The following KCNAB1 variants were observed in gnomAD, a reference collection of about 807,000 sequenced individuals.
KCNAB1 encodes the protein voltage-gated potassium channel subunit beta-1.
KCNAB1 carries 35 observed loss-of-function variants against 64.6 expected under a neutral mutation model. The ratio of observed to expected loss-of-function variants is 0.54; its 90% CI spans 0.41 to 0.72. The LOEUF (loss-of-function observed/expected upper bound fraction) is 0.72, where lower values mean the gene tolerates loss of function less well. Ranked by LOEUF, KCNAB1 falls within the 30% of genes least tolerant of loss-of-function variation. The pLI is 0.00. For missense variants in KCNAB1, 401 were observed against 512.9 expected, an observed-to-expected ratio of 0.78 and a Z score of 2.11; for synonymous variants, 177 against 183.8, an observed-to-expected ratio of 0.96 and a Z score of 0.30.
chr3:156,465,578 A>C, intron 6 of KCNAB1, 65 bp from the exon 7 acceptor site: 1 of 1,440,222 alleles, frequency 6.9e-7, no homozygotes, highest in Non-Finnish European at 9.8e-7. Context: ...AATTCAGACC[A>C]GAGATTTAGA....
At position 156,252,953 on chromosome 3, in the gene KCNAB1, G is replaced by A. The variant is rs115490320; in HGVS notation, c.275+132067G>A. On this transcript the variant is annotated intron_variant, in intron 1 of 13. Transcript: ENST00000490337. ...GCATTCTTTCCTAACATAACCTGTA[G>A]TTAAACTCCAAAGTAATGAGATTTA... 3.8e-3 allele frequency among the ~76,000 whole-genome samples: 577 copies of A among 151,988 alleles called. 1 individual carries two copies. Among genetic ancestry groups the A allele is most frequent in the African/African-American group, 0.013 (545 of 41,262 alleles).
intron 1 of KCNAB1, chr3:156,292,275 G>A (rs1015740651): frequency 2.3e-6 from 2 of 883,578 alleles, no homozygotes; most frequent in East Asian, 2.7e-5. Flanking sequence ...GCTCTTTAGG[G>A]GGATGAATAA....
intron 1 of KCNAB1, among the ~76,000 whole-genome samples, chr3:156,327,094 G>T (rs1233851285): frequency 2.0e-5 from 3 of 152,090 alleles, no homozygotes; most frequent in East Asian, 1.9e-4. Flanking sequence ...TAAAAAATCT[G>T]GTTAAGGCAA....
At chr3:156,118,875 C>T (rs540396551), upstream of KCNAB1, among the ~76,000 whole-genome samples, 8 of 152,298 alleles carry the variant, frequency 5.3e-5, no homozygotes, top group East Asian at 1.3e-3. Context: ...TATAATGTTG[C>T]CAGAACTCCT....
chr3:156,310,189 G>A (rs9858999), intron 1 of KCNAB1, among the ~76,000 whole-genome samples: 13,674 of 152,094 alleles, frequency 0.09, 1,915 homozygotes, highest in African/African-American at 0.3. Context: ...TTCTCTCCCT[G>A]CCCCCAAGCC....
chr3:156,465,628 T>C lies in KCNAB1; in HGVS notation c.528-15T>C. 3 of 1,611,764 alleles carry C rather than the reference T, an allele frequency of 1.9e-6. No individual in the cohort carries two copies. Among genetic ancestry groups the C allele is most frequent in the Non-Finnish European group, 2.5e-6 (3 of 1,178,042 alleles). ...ACACTCTCATTCAAAGTTATTTGCT[T>C]CTTTTTCTTGGCAGAGCTGAAACAG... On this transcript the variant is annotated splice_polypyrimidine_tract_variant and intron_variant, in intron 6 of 13. Transcript: ENST00000490337.
At chr3:156,145,996 G>A (rs1357498824) in intron 1 of KCNAB1, among the ~76,000 whole-genome samples, 1 of 152,130 alleles carries the variant, frequency 6.6e-6, no homozygotes, top group South Asian at 2.1e-4. Context: ...TGGAAGAGCC[G>A]GGTAAGCTGT....
At chr3:156,297,382 C>G (rs570833511) in intron 1 of KCNAB1, among the ~76,000 whole-genome samples, 1 of 147,060 alleles carries the variant, frequency 6.8e-6, no homozygotes, top group Non-Finnish European at 1.5e-5. Context: ...TATTTAGACA[C>G]GAGGGAACAT....
intron 1 of KCNAB1, among the ~76,000 whole-genome samples, chr3:156,212,261 T>A (rs1715054822): frequency 6.6e-6 from 1 of 152,016 alleles, no homozygotes; most frequent in African/African-American, 2.4e-5. Context: ...CAGAGAAAAA[T>A]TTTCTAACCT....
In KCNAB1 at chr3:156,156,318, G is replaced by A. The variant is rs143047229; in HGVS notation, c.275+35432G>A. ...TGTGTAGGCCATTTTAAAGGTGGTG[G>A]CTTCTAGTCTGAGTGAGATGGAAGC... On this transcript the variant is annotated intron_variant, in intron 1 of 13. Transcript: ENST00000490337. 2.1e-3 allele frequency among the ~76,000 whole-genome samples: 314 copies of A among 151,388 alleles called. 1 individual carries two copies. Among genetic ancestry groups the A allele is most frequent in the African/African-American group, 7.2e-3 (297 of 41,474 alleles).
chr3:156,323,255 T>C (rs1486065266), intron 1 of KCNAB1, among the ~76,000 whole-genome samples: 2 of 152,220 alleles, frequency 1.3e-5, no homozygotes, highest in African/African-American at 2.4e-5. Context: ...AAGTGGTAGA[T>C]ATGAAGGACC....
At chr3:156,402,452 A>G (rs900629549) in intron 1 of KCNAB1, among the ~76,000 whole-genome samples, 3 of 152,206 alleles carry the variant, frequency 2.0e-5, no homozygotes, top group Non-Finnish European at 2.9e-5. Flanking sequence ...ATTATCATCA[A>G]ACTGCCCAGA....
intron 1 of KCNAB1, among the ~76,000 whole-genome samples, chr3:156,193,705 A>ACATGGGGGAAACTGCTCC (rs1713708960): frequency 1.3e-5 from 2 of 152,104 alleles, no homozygotes; most frequent in African/African-American, 2.4e-5. Context: ...TCATGAGAAA[A>ACATGGGGGAAACTGCTCC]CATGGGGGAA....
intron 1 of KCNAB1, among the ~76,000 whole-genome samples, chr3:156,223,211 G>A (rs59260261): frequency 7.2e-5 from 11 of 152,076 alleles, no homozygotes; most frequent in Non-Finnish European, 1.6e-4. Context: ...GAGTGTTACA[G>A]CTCATAAAGG....
chr3:156,248,079 G>GTC (rs1717574554), intron 1 of KCNAB1, among the ~76,000 whole-genome samples: 2 of 152,234 alleles, frequency 1.3e-5, no homozygotes, highest in Non-Finnish European at 2.9e-5. Context: ...TCTTGATGCT[G>GTC]TCACCTTGAG....
intron 1 of KCNAB1, among the ~76,000 whole-genome samples, chr3:156,152,077 G>C (rs1297407496): frequency 2.6e-5 from 4 of 152,186 alleles, no homozygotes. Context: ...CCCTGACAAC[G>C]ACTGTGTCTC....
chr3:156,207,307 G>T (rs1395971830), intron 1 of KCNAB1, among the ~76,000 whole-genome samples: 1 of 152,160 alleles, frequency 6.6e-6, no homozygotes, highest in Non-Finnish European at 1.5e-5. Context: ...TCCTTGCAGG[G>T]GATCATCTAA....
chr3:156,181,489 G>A (rs1712813741), intron 1 of KCNAB1, among the ~76,000 whole-genome samples: 1 of 152,212 alleles, frequency 6.6e-6, no homozygotes, highest in African/African-American at 2.4e-5. Context: ...TCTCCTTGGG[G>A]ACTGTCAATC....
chr3:156,507,453 T>C (rs1011050605), intron 8 of KCNAB1, among the ~76,000 whole-genome samples: 1 of 152,224 alleles, frequency 6.6e-6, no homozygotes, highest in Non-Finnish European at 1.5e-5. Flanking sequence ...ATGTGACTCA[T>C]GATCCATACT....
Sources: allele counts gnomAD v4.1 joint callset (sites outside exome capture counted in the v4.1 genomes callset), GRCh38; gene constraint gnomAD v4.1.1; transcripts MANE v1.5; gene names NCBI Gene and HGNC (gene_info 2026-07-23, HGNC 2026-07-21).